CADM2: variants seen among roughly 807,000 people sequenced by gnomAD.
CADM2 encodes cell adhesion molecule 2, also known as immunoglobulin superfamily member 4D.
A neutral mutation model predicts 49.8 loss-of-function variants in CADM2; 12 were observed. The ratio of observed to expected loss-of-function variants is 0.24; its 90% CI spans 0.15 to 0.39. The LOEUF (loss-of-function observed/expected upper bound fraction) is 0.39, where lower values mean the gene tolerates loss of function less well. CADM2 is among the 10% of genes least tolerant of loss of function. The probability of loss-of-function intolerance (pLI) is 1.00; values close to 1 mark genes in which losing one functional copy is unlikely to be tolerated. For synonymous variants in CADM2, 214 were observed against 175.4 expected (o/e 1.22, Z -1.74); for missense variants, 378 against 492.3 (o/e 0.77, Z 2.20).
At chr3:86,020,152 G>T (rs1429625365) in intron 8 of CADM2, among the ~76,000 whole-genome samples, 1 of 152,000 alleles carries the variant, frequency 6.6e-6, no homozygotes, top group African/African-American at 2.4e-5. Flanking sequence ...TGATAAAGGG[G>T]ATGTCACCAC....
chr3:86,070,257 A>G lies in CADM2; in HGVS notation c.*3474A>G, dbSNP rs1739740560. On this transcript the variant is annotated 3_prime_UTR_variant, in exon 10 of 10. Coordinates refer to ENST00000383699, the MANE Select transcript of CADM2 (RefSeq NM_001167675.2). The stretch of plus-strand genomic sequence containing the variant: ...GTAAAAATATAAATATCTCAATCAA[A>G]AGTACAGGCTCATTTGTAATTATGT... The G allele has an allele frequency of 6.6e-6, 1 of 151,976 alleles. No homozygotes were observed. The highest frequency in any genetic ancestry group is 2.1e-4 in the South Asian group (1 of 4,834). 9.4% of individuals were successfully genotyped at this position (151,976 alleles called of 1,614,324 possible).
At chr3:85,173,713 G>C (rs2040699486) in intron 1 of CADM2, among the ~76,000 whole-genome samples, 1 of 152,152 alleles carries the variant, frequency 6.6e-6, no homozygotes, top group Admixed American at 6.5e-5. Flanking sequence ...GAACCCTGCA[G>C]TAATATGAAC....
intron 8 of CADM2, among the ~76,000 whole-genome samples, chr3:86,044,713 A>T (rs980730043): frequency 4.6e-5 from 7 of 152,228 alleles, no homozygotes; most frequent in African/African-American, 1.7e-4. Flanking sequence ...ATTACCAGGT[A>T]TATACCCAAA....
At chr3:86,005,665 A>G (rs1215666827) in intron 8 of CADM2, among the ~76,000 whole-genome samples, 1 of 152,142 alleles carries the variant, frequency 6.6e-6, no homozygotes, top group Middle Eastern at 3.2e-3. Context: ...GGAATGGGGT[A>G]TCCATTCCCT....
chr3:86,066,029 TA>T (rs1388014184), intron 9 of CADM2, among the ~76,000 whole-genome samples: 1 of 152,084 alleles, frequency 6.6e-6, no homozygotes, highest in Non-Finnish European at 1.5e-5. Context: ...AATCCAACTA[TA>T]ACTATTTGGT....
chr3:84,979,096 A>G (rs1172576751), intron 1 of CADM2, among the ~76,000 whole-genome samples: 3 of 152,146 alleles, frequency 2.0e-5, no homozygotes, highest in African/African-American at 7.2e-5. Flanking sequence ...TTCAACTTGA[A>G]GACTGACTCC....
intron 1 of CADM2, among the ~76,000 whole-genome samples, chr3:85,426,201 G>A (rs2036396754): frequency 6.6e-6 from 1 of 151,648 alleles, no homozygotes; most frequent in Non-Finnish European, 1.5e-5. Context: ...GAGAGTAGTG[G>A]CATGAACATG....
intron 1 of CADM2, among the ~76,000 whole-genome samples, chr3:85,512,152 C>T (rs919006536): frequency 3.9e-5 from 6 of 151,974 alleles, no homozygotes; most frequent in Admixed American, 2.0e-4. Flanking sequence ...GCACTTTCTT[C>T]TCTTCCACTC....
chr3:85,223,486 C>G (rs898459676), intron 1 of CADM2, among the ~76,000 whole-genome samples: 6 of 152,048 alleles, frequency 3.9e-5, no homozygotes, highest in African/African-American at 1.4e-4. Context: ...GATAAAGACT[C>G]TGTACACAAA....
intron 8 of CADM2, among the ~76,000 whole-genome samples, chr3:86,039,908 C>A (rs567144806): frequency 2.6e-5 from 4 of 152,272 alleles, no homozygotes; most frequent in South Asian, 4.1e-4. Flanking sequence ...GATCAGGCAG[C>A]AACATTTGCT....
chr3:85,002,233 A>G (rs963375845), intron 1 of CADM2, among the ~76,000 whole-genome samples: 2 of 151,908 alleles, frequency 1.3e-5, no homozygotes, highest in East Asian at 1.9e-4. Context: ...TGTTTATGCT[A>G]TATGGTTATT....
intron 1 of CADM2, among the ~76,000 whole-genome samples, chr3:85,214,010 G>A (rs1242555587): frequency 6.6e-6 from 1 of 152,064 alleles, no homozygotes; most frequent in Admixed American, 6.6e-5. Flanking sequence ...CTTCAATGTA[G>A]ATATTTTGAA....
intron 8 of CADM2, among the ~76,000 whole-genome samples, chr3:86,031,656 A>G (rs1260987414): frequency 6.6e-6 from 1 of 151,798 alleles, no homozygotes; most frequent in African/African-American, 2.4e-5. Context: ...GGTACCTTCC[A>G]AAAGAATAGC....
At chr3:85,934,691 C>T (rs992410724) in intron 6 of CADM2, among the ~76,000 whole-genome samples, 1 of 151,968 alleles carries the variant, frequency 6.6e-6, no homozygotes, top group South Asian at 2.1e-4. Context: ...TAGGAGAAAT[C>T]TAAATAATAT....
intron 1 of CADM2, among the ~76,000 whole-genome samples, chr3:85,628,979 A>G (rs2064219309): frequency 1.3e-5 from 2 of 151,720 alleles, no homozygotes; most frequent in Non-Finnish European, 2.9e-5. Flanking sequence ...TTATCAAAAT[A>G]TAGTGAAAGG....
chr3:86,017,805 TTA>T (rs1336056749), intron 8 of CADM2, among the ~76,000 whole-genome samples: 1 of 150,658 alleles, frequency 6.6e-6, no homozygotes, highest in East Asian at 1.9e-4. Context: ...TTAGGAAAAA[TTA>T]TGTTATGTGT....
At chr3:85,124,442 AT>A (rs996802631) in intron 1 of CADM2, among the ~76,000 whole-genome samples, 16 of 148,418 alleles carry the variant, frequency 1.1e-4, no homozygotes, top group Non-Finnish European at 1.3e-4. Context: ...ATCTCTACCA[AT>A]TTTTTTTTTT....
chr3:85,052,595 C>T (rs1025703929), intron 1 of CADM2, among the ~76,000 whole-genome samples: 1 of 151,984 alleles, frequency 6.6e-6, no homozygotes, highest in African/African-American at 2.4e-5. Flanking sequence ...TAATCCAATG[C>T]CATTTTCTTC....
At chr3:85,129,586 C>A (rs1288417995) in intron 1 of CADM2, among the ~76,000 whole-genome samples, 3 of 152,202 alleles carry the variant, frequency 2.0e-5, no homozygotes, top group Non-Finnish European at 4.4e-5. Flanking sequence ...GTGGCTTCTT[C>A]ATACAAGTGT....
Sources: allele counts gnomAD v4.1 joint callset (sites outside exome capture counted in the v4.1 genomes callset), GRCh38; gene constraint gnomAD v4.1.1; transcripts MANE v1.5; gene names NCBI Gene and HGNC (gene_info 2026-07-23, HGNC 2026-07-21).